The following PACRG variants were observed in gnomAD, a reference collection of about 807,000 sequenced individuals.
PACRG encodes the protein parkin coregulated, also known as parkin coregulated gene protein.
In PACRG, 29 loss-of-function variants were observed where a neutral mutation model predicts 29.7. That is an observed-to-expected ratio of 0.98 (90% CI 0.73 to 1.33). The LOEUF is 1.33. PACRG is among the 40% of genes most tolerant of loss of function. The pLI, the probability that PACRG is intolerant of heterozygous loss-of-function variation, is 0.00. For missense variants in PACRG, 279 were observed against 316.2 expected, an observed-to-expected ratio of 0.88 and a Z score of 0.89; for synonymous variants, 116 against 118.7, an observed-to-expected ratio of 0.98 and a Z score of 0.15.
intron 2 of PACRG, among the ~76,000 whole-genome samples, chr6:163,026,777 A>G (rs1807173660): frequency 6.6e-6 from 1 of 152,266 alleles, no homozygotes; most frequent in Admixed American, 6.5e-5. Context: ...ATGACTAAAT[A>G]AGGCGTTTCA....
intron 1 of PACRG, among the ~76,000 whole-genome samples, chr6:162,795,774 C>A (rs548866790): frequency 1.3e-5 from 2 of 152,136 alleles, no homozygotes; most frequent in African/African-American, 4.8e-5. Context: ...TACTTTAAAT[C>A]ATATTTCAAA....
At chr6:162,755,065 C>T (rs924074998) in intron 1 of PACRG, among the ~76,000 whole-genome samples, 8 of 152,246 alleles carry the variant, frequency 5.3e-5, no homozygotes, top group South Asian at 2.1e-4. Flanking sequence ...CTAGATTATA[C>T]AGTGTGTTGG....
At chr6:163,053,850 C>T (rs1810282295) in intron 2 of PACRG, 1 of 152,140 alleles carries the variant, frequency 6.6e-6, no homozygotes, top group African/African-American at 2.4e-5. Context: ...CAGGACAGCC[C>T]TCTCAAGGAA....
chr6:163,218,863 T>C (rs983224584), intron 4 of PACRG, among the ~76,000 whole-genome samples: 1 of 152,216 alleles, frequency 6.6e-6, no homozygotes, highest in Non-Finnish European at 1.5e-5. Flanking sequence ...CAGGGGTCAC[T>C]TGACAATGTC....
chr6:163,153,390 T>G (rs955721504), intron 4 of PACRG, among the ~76,000 whole-genome samples: 11 of 152,208 alleles, frequency 7.2e-5, no homozygotes, highest in Admixed American at 6.5e-5. Context: ...GAAATTCAAC[T>G]GGGGAGATTT....
At chr6:162,936,695 C>G (rs1798254993) in intron 2 of PACRG, among the ~76,000 whole-genome samples, 1 of 151,910 alleles carries the variant, frequency 6.6e-6, no homozygotes, top group South Asian at 2.1e-4. Flanking sequence ...AGCATGCATT[C>G]TAAATATTGC....
chr6:162,772,849 A>G (rs1226869208), intron 1 of PACRG, among the ~76,000 whole-genome samples: 1 of 152,228 alleles, frequency 6.6e-6, no homozygotes, highest in Non-Finnish European at 1.5e-5. Flanking sequence ...GAGGGAATGA[A>G]AAAGAATTGG....
At chr6:163,081,751 G>A (rs1813100947) in intron 3 of PACRG, among the ~76,000 whole-genome samples, 4 of 151,960 alleles carry the variant, frequency 2.6e-5, no homozygotes, top group African/African-American at 9.6e-5. Context: ...GTAAAACCCT[G>A]TCTCAGAAAA....
Position 162,953,677 on chromosome 6 carries a change from G to A in PACRG, c.292-108473G>A, listed in dbSNP as rs372845407. Reference sequence around the variant, plus strand: ...GACTGACAGAGCTTGCTGTCCTCCCGCTCTCTCTCCCTAACCCCCCCACAC... The same window carrying A: ...GACTGACAGAGCTTGCTGTCCTCCCACTCTCTCTCCCTAACCCCCCCACAC... On this transcript the variant is annotated intron_variant, in intron 2 of 4. Transcript: ENST00000366888. Among the ~76,000 whole-genome samples, 108 of 151,864 alleles carry A rather than the reference G, an allele frequency of 7.1e-4. 2 individuals carry two copies. The East Asian group carries it at 9.1e-3, about 13-fold the overall frequency.
At chr6:162,755,685 C>T (rs1349931650) in intron 1 of PACRG, among the ~76,000 whole-genome samples, 1 of 152,180 alleles carries the variant, frequency 6.6e-6, no homozygotes, top group East Asian at 1.9e-4. Context: ...GGTCCACCCA[C>T]CTTGGCCTCC....
intron 4 of PACRG, among the ~76,000 whole-genome samples, chr6:163,206,196 C>A (rs1456080309): frequency 6.6e-6 from 1 of 152,142 alleles, no homozygotes; most frequent in Non-Finnish European, 1.5e-5. Flanking sequence ...TTTGACCCAG[C>A]AATCTCCTTA....
chr6:163,229,164 A>G (rs1433509557), intron 4 of PACRG, among the ~76,000 whole-genome samples: 1 of 152,184 alleles, frequency 6.6e-6, no homozygotes, highest in Non-Finnish European at 1.5e-5. Flanking sequence ...GTTCAAGACC[A>G]GCCTAGTCAA....
At chr6:163,292,788 C>A (rs528988164) in intron 4 of PACRG, among the ~76,000 whole-genome samples, 1 of 152,102 alleles carries the variant, frequency 6.6e-6, no homozygotes, top group Non-Finnish European at 1.5e-5. Context: ...ATTTGGCTAA[C>A]CTTAATACTC....
chr6:163,176,557 G>A (rs1295573187), intron 4 of PACRG, among the ~76,000 whole-genome samples: 1 of 151,984 alleles, frequency 6.6e-6, no homozygotes, highest in Non-Finnish European at 1.5e-5. Flanking sequence ...AGAAAGGGGG[G>A]AGGGAAAGAC....
At chr6:162,744,055 T>C (rs1445956032) in intron 1 of PACRG, among the ~76,000 whole-genome samples, 1 of 152,176 alleles carries the variant, frequency 6.6e-6, no homozygotes, top group East Asian at 1.9e-4. Flanking sequence ...ATTTTTCCTA[T>C]TGGTTGGGGC....
intron 2 of PACRG, among the ~76,000 whole-genome samples, chr6:163,035,952 C>G (rs1188373453): frequency 2.6e-5 from 4 of 152,100 alleles, no homozygotes; most frequent in African/African-American, 9.7e-5. Context: ...TACACATTTG[C>G]CAGTACACCA....
chr6:162,998,727 A>G (rs539985661), intron 2 of PACRG, among the ~76,000 whole-genome samples: 1 of 152,312 alleles, frequency 6.6e-6, no homozygotes, highest in South Asian at 2.1e-4. Flanking sequence ...GCTTAGAAAG[A>G]TCCCTCTTAC....
intron 1 of PACRG, among the ~76,000 whole-genome samples, chr6:162,788,446 G>T (rs1359057631): frequency 1.3e-5 from 2 of 152,096 alleles, no homozygotes; most frequent in Non-Finnish European, 2.9e-5. Flanking sequence ...TCCAAGTTTT[G>T]GGAATTATGA....
chr6:162,727,972 T>C, upstream of PACRG: 1 of 600,872 alleles, frequency 1.7e-6, no homozygotes, highest in Non-Finnish European at 2.9e-6. Flanking sequence ...TGTTGACCAG[T>C]CGCTTAGCAA....
Sources: allele counts gnomAD v4.1 joint callset (sites outside exome capture counted in the v4.1 genomes callset), GRCh38; gene constraint gnomAD v4.1.1; transcripts MANE v1.5; gene names NCBI Gene and HGNC (gene_info 2026-07-23, HGNC 2026-07-21).